The following PLOD2 variants were observed in gnomAD, a reference collection of about 807,000 sequenced individuals.
PLOD2 encodes the protein lysine hydroxylase 2.
PLOD2 carries 65 observed loss-of-function variants against 101.0 expected under a neutral mutation model. The observed-to-expected ratio is 0.64, with a 90% CI of 0.53 to 0.79. The LOEUF (loss-of-function observed/expected upper bound fraction) is 0.79, where lower values mean the gene tolerates loss of function less well. Ranked by LOEUF, PLOD2 falls within the 30% of genes least tolerant of loss-of-function variation. The pLI, the probability that PLOD2 is intolerant of heterozygous loss-of-function variation, is 0.00. For synonymous variants in PLOD2, 314 were observed against 302.9 expected (o/e 1.04, Z -0.38); for missense variants, 909 against 914.6 (o/e 0.99, Z 0.08).
chr3:146,081,464 T>A (rs1437271173), intron 12 of PLOD2, among the ~76,000 whole-genome samples: 2 of 152,178 alleles, frequency 1.3e-5, no homozygotes, highest in Non-Finnish European at 2.9e-5. Context: ...TACTCTTCTA[T>A]CAACCATAAT....
chr3:146,073,692 C>T (rs1936231888), intron 15 of PLOD2: 1 of 154,726 alleles, frequency 6.5e-6, no homozygotes, highest in Non-Finnish European at 1.4e-5. Context: ...TAAAAACACA[C>T]AGTACCCCGA....
At chr3:146,133,960 T>C (rs190391323) in intron 1 of PLOD2, among the ~76,000 whole-genome samples, 56 of 152,284 alleles carry the variant, frequency 3.7e-4, no homozygotes, top group Non-Finnish European at 1.6e-4. Flanking sequence ...CTTGGGATGC[T>C]AAATTAAGGA....
At chr3:146,137,892 G>A (rs1317151412) in intron 1 of PLOD2, among the ~76,000 whole-genome samples, 1 of 152,102 alleles carries the variant, frequency 6.6e-6, no homozygotes, top group East Asian at 1.9e-4. Context: ...ACAATGAAGG[G>A]CAACGATAAA....
At chr3:146,158,943 T>C (rs1447431890) in intron 1 of PLOD2, among the ~76,000 whole-genome samples, 2 of 152,196 alleles carry the variant, frequency 1.3e-5, no homozygotes, top group Non-Finnish European at 2.9e-5. Flanking sequence ...GATCTTGATA[T>C]TTATGTCAAC....
intron 9 of PLOD2, among the ~76,000 whole-genome samples, chr3:146,087,305 A>C (rs1230832569): frequency 6.6e-6 from 1 of 151,970 alleles, no homozygotes; most frequent in Admixed American, 6.6e-5. Flanking sequence ...TGAAATATCT[A>C]GAAAAAATGT....
rs1369348721 is a variant in PLOD2 at position 146,081,817 on chromosome 3, T to C, written c.1279A>G (p.Asn427Asp). Residue 427 changes from asparagine to aspartate, a missense_variant, in exon 12 of 20, where the codon AAT (asparagine) becomes GAT (aspartate). Coordinates refer to ENST00000282903, the MANE Select transcript of PLOD2 (RefSeq NM_182943.3). Reference protein sequence around the residue: ...LVTRHGKLWSNFWGALSPDGY... With the variant: ...LVTRHGKLWSDFWGALSPDGY... ...TCAGGACTCAATGCTCCCCAGAAATTGGACCACAGCTTTCCATGACGAGTT... is the reference window on the plus strand; with the variant it reads ...TCAGGACTCAATGCTCCCCAGAAATCGGACCACAGCTTTCCATGACGAGTT... The C allele has an allele frequency of 6.2e-7, 1 of 1,612,356 alleles. No homozygotes were observed.
intron 1 of PLOD2, among the ~76,000 whole-genome samples, chr3:146,144,500 C>T (rs1001241012): frequency 1.3e-5 from 2 of 151,430 alleles, no homozygotes; most frequent in African/African-American, 4.9e-5. Flanking sequence ...AGAAAGAGTA[C>T]ATATCTTTTT....
At position 146,125,868 on chromosome 3, in the gene PLOD2, C is replaced by T. The variant is rs148477880; in HGVS notation, c.110-1639G>A. ...AGAGTAAATTTCAAAATAGGGAATA[C>T]CACATTTTATTTTATAAGAACAAAG... is the stretch of plus-strand genomic sequence containing the variant. On this transcript the variant is annotated intron_variant, in intron 1 of 19. Coordinates refer to ENST00000282903, the MANE Select transcript of PLOD2 (RefSeq NM_182943.3). Among the ~76,000 whole-genome samples, 619 of 152,002 alleles carry T rather than the reference C, an allele frequency of 4.1e-3. 8 individuals carry two copies. Among genetic ancestry groups the T allele is most frequent in the African/African-American group, 0.014 (598 of 41,468 alleles).
In PLOD2 at chr3:146,126,699, G is replaced by A. The variant is rs189626217; in HGVS notation, c.110-2470C>T. Among the ~76,000 whole-genome samples, 469 of 152,230 alleles carry A rather than the reference G, an allele frequency of 3.1e-3. 3 individuals carry two copies. Among genetic ancestry groups the A allele is most frequent in the African/African-American group, 0.011 (454 of 41,550 alleles). Reference sequence around the variant, plus strand: ...AATGTTAGTCACGGACCTGAGTTGGGACCTGATTTGTAAAAGCTATAAAAA... The same window carrying A: ...AATGTTAGTCACGGACCTGAGTTGGAACCTGATTTGTAAAAGCTATAAAAA... On this transcript the variant is annotated intron_variant, in intron 1 of 19. Transcript: ENST00000282903.
intron 10 of PLOD2, chr3:146,085,591 A>C: frequency 2.9e-6 from 1 of 342,704 alleles, no homozygotes; most frequent in Non-Finnish European, 5.2e-6. Context: ...ATACATACAC[A>C]TGCACACAAA....
intron 12 of PLOD2, among the ~76,000 whole-genome samples, chr3:146,079,935 G>A (rs973328582): frequency 6.6e-6 from 1 of 152,062 alleles, no homozygotes; most frequent in South Asian, 2.1e-4. Context: ...GCACATGAAC[G>A]TTGCATCCTT....
At chr3:146,082,668 G>A (rs188647003) in intron 11 of PLOD2, among the ~76,000 whole-genome samples, 87 of 152,146 alleles carry the variant, frequency 5.7e-4, no homozygotes, top group African/African-American at 1.7e-3. Context: ...CGAGGCGGGC[G>A]GATCACAAGG....
chr3:146,152,248 C>T (rs1404582899), intron 1 of PLOD2, among the ~76,000 whole-genome samples: 2 of 151,976 alleles, frequency 1.3e-5, no homozygotes, highest in African/African-American at 2.4e-5. Flanking sequence ...GTGAAACCCC[C>T]GTTTCTACTA....
chr3:146,098,190 A>T (rs1937271180), intron 7 of PLOD2, among the ~76,000 whole-genome samples: 1 of 152,350 alleles, frequency 6.6e-6, no homozygotes, highest in Admixed American at 6.5e-5. Flanking sequence ...CTGCACGTTC[A>T]GCACATGTAT....
At chr3:146,150,342 A>C (rs2031994989) in intron 1 of PLOD2, among the ~76,000 whole-genome samples, 1 of 152,210 alleles carries the variant, frequency 6.6e-6, no homozygotes. Flanking sequence ...AAGGGTCCCC[A>C]ATTTTTAAGT....
intron 15 of PLOD2, among the ~76,000 whole-genome samples, chr3:146,074,800 A>G (rs1221971969): frequency 2.0e-5 from 3 of 151,526 alleles, no homozygotes; most frequent in Non-Finnish European, 4.4e-5. Flanking sequence ...GCAAACTGTG[A>G]CTTTATTAAT....
chr3:146,095,886 TCCCCTCTCC>T (rs1937135139), intron 7 of PLOD2, among the ~76,000 whole-genome samples: 2 of 100,720 alleles, frequency 2.0e-5, no homozygotes, highest in African/African-American at 7.7e-5. Context: ...CTCTCCCCTC[TCCCCTCTCC>T]CCCCTCCCCC....
At chr3:146,158,609 T>A (rs1018463476) in intron 1 of PLOD2, among the ~76,000 whole-genome samples, 1 of 152,148 alleles carries the variant, frequency 6.6e-6, no homozygotes, top group Non-Finnish European at 1.5e-5. Flanking sequence ...AATAGATTAG[T>A]CTAATCCAGG....
chr3:146,121,318 G>C, intron 2 of PLOD2, 70 bp from the exon 3 acceptor site: 4 of 1,309,504 alleles, frequency 3.1e-6, no homozygotes, highest in Non-Finnish European at 4.4e-6. Flanking sequence ...AAAACTTAAA[G>C]ACATCATCAA....
Sources: allele counts gnomAD v4.1 joint callset (sites outside exome capture counted in the v4.1 genomes callset), GRCh38; gene constraint gnomAD v4.1.1; transcripts MANE v1.5; gene names NCBI Gene and HGNC (gene_info 2026-07-23, HGNC 2026-07-21).